ZNF75A: variants seen among roughly 807,000 people sequenced by gnomAD.
ZNF75A encodes the protein zinc finger protein 75A.
In ZNF75A, 36 loss-of-function variants were observed where a neutral mutation model predicts 46.3. That is an observed-to-expected ratio of 0.78 (90% CI 0.60 to 1.03). ZNF75A has a LOEUF of 1.03. Among genes scored for constraint, ZNF75A ranks in the 50% least tolerant of loss-of-function variants. ZNF75A has a pLI of 0.00. For missense variants in ZNF75A, 595 were observed against 551.3 expected (o/e 1.08, Z -0.79); for synonymous variants, 234 against 189.9 (o/e 1.23, Z -1.91).
rs1053792689 is a variant in ZNF75A, at chr16:3,311,885, G to A, written c.541G>A (p.Glu181Lys). 9.0e-6 allele frequency: 9 copies of A among 1,004,770 alleles called. No homozygotes were observed. The highest frequency in any genetic ancestry group is 1.7e-5 in the African/African-American group (1 of 57,832). The allele number at this position is 1,004,770 out of a possible 1,614,324, so 62.2% of individuals were successfully genotyped here. ...SQDEEFWNTY[E>K]GLQEQLSRNT... ...AGATGAAGAATTTTGGAATACATAC[G>A]AGGGTCTGCAAGAACAGCTCAGCAG... The change falls in exon 3 of 7, where the codon GAG becomes AAG. Residue 181 changes from glutamate (E) to lysine (K), a missense_variant. Coordinates refer to ENST00000669516, the MANE Select transcript of ZNF75A (RefSeq NM_001302109.2).
intron 1 of ZNF75A, chr16:3,307,741 G>A (rs980424228): frequency 2.7e-5 from 4 of 150,726 alleles, no homozygotes; most frequent in African/African-American, 9.9e-5. Flanking sequence ...ATGTTGCTCA[G>A]GCTGGTCTGA....
Position 3,317,842 on chromosome 16 carries a change from TCTTAGACA to T in ZNF75A, c.1589_1596del (p.Leu530ProfsTer30). 1.2e-6 allele frequency: 2 copies of T among 1,610,720 alleles called. No individual in the cohort carries two copies. The highest frequency in any genetic ancestry group is 1.7e-6 in the Non-Finnish European group (2 of 1,177,940). On this transcript the variant is annotated frameshift_variant, in exon 7 of 7. Coordinates refer to ENST00000669516, the MANE Select transcript of ZNF75A (RefSeq NM_001302109.2). LOFTEE classifies it high-confidence loss of function. ...GAAACTTCAGCAGGCGGTCAAGCCT[TCTTAGACA>T]CCAGAAACTCCACCTGTGAAGAGAA...
chr16:3,320,588 A>G (rs1422436665), downstream of ZNF75A, among the ~76,000 whole-genome samples: 3 of 152,198 alleles, frequency 2.0e-5, no homozygotes, highest in African/African-American at 7.2e-5. Flanking sequence ...GGTCAGTTCA[A>G]GGGGACAAGG....
intron 2 of ZNF75A, chr16:3,310,707 AT>A (rs1236303801): frequency 6.9e-5 from 68 of 985,494 alleles, no homozygotes; most frequent in Non-Finnish European, 8.1e-5. Context: ...GGAAACAAAG[AT>A]TTGGAAAAAA....
rs1323088669 is a variant in ZNF75A at position 3,316,936 on chromosome 16, A to C, written c.848A>C (p.Lys283Thr). Residue 283 changes from lysine (K) to threonine (T), a missense_variant, in exon 6 of 7, where the codon AAA becomes ACA. Physicochemically the swap from Lys to Thr is moderately conservative, Grantham distance 78. Coordinates refer to ENST00000669516, the MANE Select transcript of ZNF75A (RefSeq NM_001302109.2). ...SLALFVLPKPKVISCLEQGEE... is the reference protein window; with the variant it reads ...SLALFVLPKPTVISCLEQGEE... Reference sequence around the variant, plus strand: ...GCATTGTTTGTGCTCCCCAAACCTAAAGTGATCTCCTGTCTAGAGCAAGGG... The same window carrying C: ...GCATTGTTTGTGCTCCCCAAACCTACAGTGATCTCCTGTCTAGAGCAAGGG... The C allele has an allele frequency of 6.2e-7, 1 of 1,613,590 alleles. No individual in the cohort carries two copies. The highest frequency in any genetic ancestry group is 2.2e-5 in the East Asian group (1 of 44,876).
chr16:3,311,187 C>CAGCACTTTGGG (rs1488436201), intron 2 of ZNF75A, among the ~76,000 whole-genome samples: 2 of 151,802 alleles, frequency 1.3e-5, no homozygotes, highest in African/African-American at 2.4e-5. Context: ...CCTATAATCC[C>CAGCACTTTGGG]AGCACTTTGG....
intron 2 of ZNF75A, 57 bp downstream of exon 2, chr16:3,308,893 G>C: frequency 5.2e-6 from 5 of 964,988 alleles, no homozygotes; most frequent in Non-Finnish European, 6.2e-6. Context: ...GGATATAGTA[G>C]AGATGGTGGC....
At position 3,317,624 on chromosome 16, in the gene ZNF75A, C is replaced by T. The variant is rs1224194304; in HGVS notation, c.1369C>T (p.Pro457Ser). 6.2e-7 allele frequency: 1 copy of T among 1,614,078 alleles called. No homozygotes were observed. Among genetic ancestry groups the T allele is most frequent in the Non-Finnish European group, 8.5e-7 (1 of 1,180,006 alleles). The change falls in exon 7 of 7, where the codon CCA becomes TCA. Residue 457 changes from proline (P) to serine (S), a missense_variant. Transcript: ENST00000669516. The part of the protein sequence containing the change: ...KHLTTHQGIK[P>S]YKCSWCGKSF... ...CTTAACAACACACCAAGGAATAAAA[C>T]CATATAAATGTTCATGGTGTGGGAA...
rs1243136518 is a variant in ZNF75A, at chr16:3,317,806, C to T, written c.1551C>T (p.Ser517=). The T allele has an allele frequency of 6.2e-7, 1 of 1,614,018 alleles. No individual in the cohort carries two copies. The highest frequency in any genetic ancestry group is 1.7e-5 in the Admixed American group (1 of 60,006). ...CAGGTGAGCAGCCATATACTTGTAG[C>T]ATATGCAGGAGAAACTTCAGCAGGC... ...THTGEQPYTC[S]ICRRNFSRRS... is the part of the protein sequence containing the mutation. Residue 517 remains serine (S), a synonymous_variant, in exon 7 of 7, where the codon AGC becomes AGT. Coordinates refer to ENST00000669516, the MANE Select transcript of ZNF75A (RefSeq NM_001302109.2).
downstream of ZNF75A, among the ~76,000 whole-genome samples, chr16:3,320,321 G>A (rs1221113593): frequency 6.6e-6 from 1 of 152,244 alleles, no homozygotes; most frequent in Non-Finnish European, 1.5e-5. Flanking sequence ...CGGGATTACA[G>A]GCGTGAGCCA....
Position 3,318,536 on chromosome 16 carries a change from T to A in ZNF75A, c.*667T>A, listed in dbSNP as rs1961396530. On this transcript the variant is annotated 3_prime_UTR_variant, in exon 7 of 7. Transcript: ENST00000669516. Reference sequence around the variant, plus strand: ...TTGTAGCCATGGAATATATATTAGATGTAAAGAATTTTCTGCAATAAAAGA... The same window carrying A: ...TTGTAGCCATGGAATATATATTAGAAGTAAAGAATTTTCTGCAATAAAAGA... 1 of 985,294 alleles carries A rather than the reference T, an allele frequency of 1.0e-6. No homozygotes were observed. The highest frequency in any genetic ancestry group is 1.7e-5 in the African/African-American group (1 of 57,242). 61.0% of individuals were successfully genotyped at this position (985,294 alleles called of 1,614,324 possible).
At position 3,317,984 on chromosome 16, in the gene ZNF75A, G is replaced by T; in HGVS notation, c.*115G>T. The T allele has an allele frequency of 1.4e-6, 2 of 1,443,028 alleles. No individual in the cohort carries two copies. Among genetic ancestry groups the T allele is most frequent in the Non-Finnish European group, 1.8e-6 (2 of 1,104,780 alleles). 89.4% of individuals were successfully genotyped at this position (1,443,028 alleles called of 1,614,324 possible). A position where few individuals can be genotyped will look rare whatever the true frequency, so the allele number is the denominator to read the frequency against. ...TGAAAAATTTTACATCAGAAAATGG[G>T]ATAAACATACATTTCACAGAAAATA... On this transcript the variant is annotated 3_prime_UTR_variant, in exon 7 of 7. Transcript: ENST00000669516.
At chr16:3,313,756 T>G (rs897213478) in intron 5 of ZNF75A, among the ~76,000 whole-genome samples, 3 of 152,184 alleles carry the variant, frequency 2.0e-5, no homozygotes, top group Non-Finnish European at 2.9e-5. Context: ...TGACATTTCC[T>G]TTCCTCAAAA....
In ZNF75A at chr16:3,308,352, G is replaced by A. The variant is rs908590394; in HGVS notation, c.-77G>A. On this transcript the variant is annotated 5_prime_UTR_variant, in exon 2 of 7. Transcript: ENST00000669516. ...AGATCCTTTTATTGCTTTTGTACAAGACCAGACAGGATCTCATTTGTTAAA... is the reference window on the plus strand; with the variant it reads ...AGATCCTTTTATTGCTTTTGTACAAAACCAGACAGGATCTCATTTGTTAAA... 62 of 939,576 alleles carry A rather than the reference G, an allele frequency of 6.6e-5. No homozygotes were observed. The highest frequency in any genetic ancestry group is 7.5e-5 in the Non-Finnish European group (59 of 787,866). The allele number at this position is 939,576 out of a possible 1,614,324, so 58.2% of individuals were successfully genotyped here.
chr16:3,319,797 A>AT (rs550277242), downstream of ZNF75A, among the ~76,000 whole-genome samples: 57,761 of 133,128 alleles, frequency 0.43, 13,271 homozygotes, highest in South Asian at 0.68. Context: ...TTTTTTTTTT[A>AT]TTTTTTTTTT....
At chr16:3,308,290 A>G (rs1960440200) in intron 1 of ZNF75A, 23 bp from the exon 2 acceptor site, 6 of 438,138 alleles carry the variant, frequency 1.4e-5, no homozygotes, top group African/African-American at 2.1e-5. Context: ...ATTGATACAT[A>G]CTTTTCTTTT....
At chr16:3,320,063 T>C (rs915650447), downstream of ZNF75A, among the ~76,000 whole-genome samples, 1 of 152,150 alleles carries the variant, frequency 6.6e-6, no homozygotes, top group African/African-American at 2.4e-5. Flanking sequence ...TTTTTTTTCT[T>C]GAGACGGAGT....
At chr16:3,314,955 CAG>C (rs1961089298) in intron 5 of ZNF75A, 3 of 985,290 alleles carry the variant, frequency 3.0e-6, no homozygotes, top group Admixed American at 6.1e-5. Context: ...GAGAGGGTCT[CAG>C]TGTTCCAGGA....
chr16:3,317,638 A>G lies in ZNF75A; in HGVS notation c.1383A>G (p.Ser461=). The G allele has an allele frequency of 6.2e-7, 1 of 1,614,160 alleles. No homozygotes were observed. The highest frequency in any genetic ancestry group is 8.5e-7 in the Non-Finnish European group (1 of 1,180,008). The stretch of plus-strand genomic sequence containing the variant: ...AAGGAATAAAACCATATAAATGTTC[A>G]TGGTGTGGGAAAAGCTTCAGTCAAA... ...THQGIKPYKC[S]WCGKSFSQNT... Residue 461 remains serine, a synonymous_variant, in exon 7 of 7, where the codon TCA becomes TCG. Transcript: ENST00000669516.
Sources: allele counts gnomAD v4.1 joint callset (sites outside exome capture counted in the v4.1 genomes callset), GRCh38; gene constraint gnomAD v4.1.1; transcripts MANE v1.5; gene names NCBI Gene and HGNC (gene_info 2026-07-23, HGNC 2026-07-21).